The following DLG2 variants were observed in gnomAD, a reference collection of about 807,000 sequenced individuals.
DLG2 encodes disks large homolog 2.
DLG2 carries 45 observed loss-of-function variants against 132.5 expected under a neutral mutation model. The ratio of observed to expected loss-of-function variants is 0.34; its 90% CI spans 0.27 to 0.44. The LOEUF is 0.44. Among genes scored for constraint, DLG2 ranks in the 20% least tolerant of loss-of-function variants. The pLI is 1.00. For missense variants in DLG2, 1,045 were observed against 1,196.9 expected (o/e 0.87, Z 1.87); for synonymous variants, 424 against 419.6 (o/e 1.01, Z -0.13).
chr11:84,002,004 G>T (rs922214889), intron 11 of DLG2, among the ~76,000 whole-genome samples: 7 of 151,958 alleles, frequency 4.6e-5, no homozygotes, highest in African/African-American at 9.7e-5. Context: ...TGCAACTCAA[G>T]CAATTAGAAA....
chr11:85,492,606 T>A (rs919370515), intron 3 of DLG2, among the ~76,000 whole-genome samples: 1 of 152,154 alleles, frequency 6.6e-6, no homozygotes, highest in Non-Finnish European at 1.5e-5. Flanking sequence ...GTACAGAAAA[T>A]AGATTTATAC....
chr11:84,144,769 C>A (rs2095007099), intron 9 of DLG2, among the ~76,000 whole-genome samples: 1 of 151,736 alleles, frequency 6.6e-6, no homozygotes, highest in African/African-American at 2.4e-5. Context: ...AACTGCTGGA[C>A]AATTCTGCAG....
At chr11:84,115,231 TC>T (rs950015241) in intron 9 of DLG2, among the ~76,000 whole-genome samples, 5 of 152,342 alleles carry the variant, frequency 3.3e-5, no homozygotes, top group African/African-American at 1.2e-4. Flanking sequence ...CCCACCATTC[TC>T]ACTGGGCTCA....
At chr11:83,486,062 T>C in intron 21 of DLG2, 3 of 482,634 alleles carry the variant, frequency 6.2e-6, no homozygotes, top group South Asian at 3.7e-5. Context: ...ATTACTCTGC[T>C]GACAGCACCT....
chr11:84,632,968 C>A (rs1324470977), intron 6 of DLG2, among the ~76,000 whole-genome samples: 1 of 152,176 alleles, frequency 6.6e-6, no homozygotes. Context: ...TGACTTTGAG[C>A]AATTCCATAG....
At chr11:83,539,417 C>T (rs2095993734) in intron 20 of DLG2, among the ~76,000 whole-genome samples, 3 of 152,188 alleles carry the variant, frequency 2.0e-5, no homozygotes, top group Admixed American at 2.0e-4. Flanking sequence ...TGAAAAATAA[C>T]ATCAACCTAA....
chr11:84,181,762 AG>A (rs1264424975), intron 8 of DLG2, among the ~76,000 whole-genome samples: 1 of 152,206 alleles, frequency 6.6e-6, no homozygotes, highest in Admixed American at 6.6e-5. Flanking sequence ...TATCAACGCA[AG>A]ATAAATTATC....
chr11:85,022,802 C>T (rs1008967449), intron 6 of DLG2, among the ~76,000 whole-genome samples: 1 of 151,938 alleles, frequency 6.6e-6, no homozygotes, highest in African/African-American at 2.4e-5. Flanking sequence ...TACTTTAATC[C>T]ATCCATAAGA....
chr11:84,867,885 C>T (rs1055388672), intron 6 of DLG2, among the ~76,000 whole-genome samples: 16 of 151,964 alleles, frequency 1.1e-4, no homozygotes, highest in Non-Finnish European at 7.4e-5. Context: ...CCATCCTGGC[C>T]AACACGGTGA....
chr11:85,450,051 C>G lies in DLG2; in HGVS notation c.40+148606G>C, dbSNP rs906727486. 2.6e-5 allele frequency among the ~76,000 whole-genome samples: 4 copies of G among 152,176 alleles called. No individual in the cohort carries two copies. The East Asian group carries it at 7.7e-4, about 29-fold the overall frequency. ...CTGAGAAAGGAGAATCGCTTGAACCCAGGAGGCAGAGGTTGCATGGTGAGC... is the reference window on the plus strand; with the variant it reads ...CTGAGAAAGGAGAATCGCTTGAACCGAGGAGGCAGAGGTTGCATGGTGAGC... On this transcript the variant is annotated intron_variant, in intron 3 of 27. Transcript: ENST00000376104.
intron 6 of DLG2, among the ~76,000 whole-genome samples, chr11:85,008,374 T>C (rs1462200347): frequency 6.6e-6 from 1 of 152,148 alleles, no homozygotes; most frequent in Non-Finnish European, 1.5e-5. Context: ...CAAGTAACTA[T>C]ATTTCTCTGA....
chr11:85,404,771 T>G (rs559348673), intron 3 of DLG2, among the ~76,000 whole-genome samples: 5 of 152,152 alleles, frequency 3.3e-5, no homozygotes, highest in African/African-American at 1.2e-4. Flanking sequence ...CTCCTTCCAG[T>G]AAAACATGCT....
At chr11:85,393,893 T>C (rs961927218) in intron 3 of DLG2, among the ~76,000 whole-genome samples, 1 of 152,060 alleles carries the variant, frequency 6.6e-6, no homozygotes, top group Non-Finnish European at 1.5e-5. Flanking sequence ...ACGATGGACA[T>C]TGGGGACTCA....
intron 6 of DLG2, among the ~76,000 whole-genome samples, chr11:84,821,180 C>T (rs1421114877): frequency 2.6e-5 from 4 of 151,746 alleles, no homozygotes; most frequent in African/African-American, 9.7e-5. Flanking sequence ...AATAGTTCTC[C>T]TCCAAAGTAA....
intron 11 of DLG2, among the ~76,000 whole-genome samples, chr11:84,014,970 C>T (rs368765286): frequency 1.4e-4 from 22 of 152,090 alleles, no homozygotes; most frequent in African/African-American, 3.4e-4. Context: ...TGAATACATA[C>T]GTAATTTGGT....
chr11:84,810,698 C>T (rs2076459958), intron 6 of DLG2, among the ~76,000 whole-genome samples: 1 of 152,042 alleles, frequency 6.6e-6, no homozygotes, highest in Non-Finnish European at 1.5e-5. Context: ...ACTCAGACAA[C>T]CTCAGAGAGA....
intron 2 of DLG2, among the ~76,000 whole-genome samples, chr11:85,601,134 G>A (rs2080124467): frequency 6.6e-6 from 1 of 152,128 alleles, no homozygotes; most frequent in Non-Finnish European, 1.5e-5. Context: ...GATGACTGTT[G>A]AGTATTTATT....
At chr11:85,499,661 C>A (rs567593236) in intron 3 of DLG2, among the ~76,000 whole-genome samples, 45 of 152,254 alleles carry the variant, frequency 3.0e-4, no homozygotes, top group African/African-American at 1.1e-3. Flanking sequence ...AATTTTAGAC[C>A]AATAACCCTG....
At chr11:85,248,867 G>A (rs1023671624) in intron 4 of DLG2, among the ~76,000 whole-genome samples, 1 of 151,830 alleles carries the variant, frequency 6.6e-6, no homozygotes, top group Non-Finnish European at 1.5e-5. Context: ...GTCAAGGAGT[G>A]ACAGATTCAG....
Sources: allele counts gnomAD v4.1 joint callset (sites outside exome capture counted in the v4.1 genomes callset), GRCh38; gene constraint gnomAD v4.1.1; transcripts MANE v1.5; gene names NCBI Gene and HGNC (gene_info 2026-07-23, HGNC 2026-07-21).